The following SLC37A1 variants were observed in gnomAD, a reference collection of about 807,000 sequenced individuals.
SLC37A1 encodes the protein solute carrier family 37 member 1.
SLC37A1 carries 49 observed loss-of-function variants against 75.3 expected under a neutral mutation model. That is an observed-to-expected ratio of 0.65 (90% CI 0.52 to 0.83). SLC37A1 has a LOEUF of 0.83. SLC37A1 is among the 40% of genes least tolerant of loss of function. The pLI, the probability that SLC37A1 is intolerant of heterozygous loss-of-function variation, is 0.00. For synonymous variants in SLC37A1, 268 were observed against 292.1 expected, an observed-to-expected ratio of 0.92 and a Z score of 0.84; for missense variants, 566 against 695.0, an observed-to-expected ratio of 0.81 and a Z score of 2.09.
chr21:42,573,202 G>A (rs1018568923), intron 17 of SLC37A1, among the ~76,000 whole-genome samples: 3 of 152,312 alleles, frequency 2.0e-5, no homozygotes, highest in African/African-American at 7.2e-5. Flanking sequence ...TTATCAGTGA[G>A]GATGAGAAAA....
rs758065649 is a variant in SLC37A1, at chr21:42,539,548, C to G, written c.387C>G (p.Tyr129Ter). Reference protein sequence around the residue: ...IIGERLPIRYYLTFGMLASGA... With the variant: ...IIGERLPIRY ...GGGAGCGCCTGCCGATTAGGTATTA[C>G]CTAACTTTCGGGATGCTCGCCAGCG... Residue 129 changes from tyrosine to a stop codon, truncating the protein, a stop_gained, in exon 6 of 20, where the codon TAC becomes TAG. Coordinates refer to ENST00000352133, the MANE Select transcript of SLC37A1 (RefSeq NM_001320537.2). LOFTEE classifies it high-confidence loss of function. 1 of 1,613,790 alleles carries G rather than the reference C, an allele frequency of 6.2e-7. No individual in the cohort carries two copies. The highest frequency in any genetic ancestry group is 8.5e-7 in the Non-Finnish European group (1 of 1,179,956).
chr21:42,564,590 A>C, intron 13 of SLC37A1, 118 bp from the exon 14 acceptor site: 2 of 775,638 alleles, frequency 2.6e-6, no homozygotes, highest in South Asian at 1.5e-5. Flanking sequence ...CCCGTGATGC[A>C]TGGAGAGAGG....
At chr21:42,500,155 C>CA (rs2054328099) in intron 1 of SLC37A1, among the ~76,000 whole-genome samples, 1 of 152,122 alleles carries the variant, frequency 6.6e-6, no homozygotes. Context: ...GGACTTTCAA[C>CA]AAAATGAGTT....
At chr21:42,575,359 C>T (rs995714864) in intron 18 of SLC37A1, 51 of 985,356 alleles carry the variant, frequency 5.2e-5, no homozygotes, top group South Asian at 9.4e-5. Context: ...GTCCCTCCTG[C>T]AGCCATGCTG....
At chr21:42,568,250 C>G in intron 16 of SLC37A1, 110 bp from the exon 17 acceptor site, 2 of 829,762 alleles carry the variant, frequency 2.4e-6, no homozygotes, top group Non-Finnish European at 4.0e-6. Flanking sequence ...GGGAAACACC[C>G]TCACGATGAG....
At chr21:42,533,729 G>A (rs1304686693) in intron 3 of SLC37A1, among the ~76,000 whole-genome samples, 1 of 152,234 alleles carries the variant, frequency 6.6e-6, no homozygotes, top group Non-Finnish European at 1.5e-5. Context: ...AAAGCCTGGT[G>A]TTCAGCGTCA....
intron 3 of SLC37A1, among the ~76,000 whole-genome samples, chr21:42,528,698 A>G (rs2054863237): frequency 6.6e-6 from 1 of 152,154 alleles, no homozygotes; most frequent in Non-Finnish European, 1.5e-5. Context: ...GCATGGTGAC[A>G]GGCGCCTGTA....
intron 8 of SLC37A1, among the ~76,000 whole-genome samples, chr21:42,544,618 C>T (rs765822975): frequency 1.3e-5 from 2 of 152,206 alleles, no homozygotes; most frequent in Admixed American, 1.3e-4. Context: ...CCCCTTTCCC[C>T]GCTTCTGCAG....
intron 10 of SLC37A1, among the ~76,000 whole-genome samples, chr21:42,557,576 C>G (rs188088138): frequency 1.2e-4 from 18 of 152,374 alleles, no homozygotes; most frequent in Admixed American, 1.2e-3. Context: ...GAGACCCGCT[C>G]TCCATGCCAG....
intron 3 of SLC37A1, among the ~76,000 whole-genome samples, chr21:42,531,212 G>A (rs1312947088): frequency 2.0e-5 from 3 of 151,956 alleles, no homozygotes; most frequent in South Asian, 4.2e-4. Context: ...TGTGACTCCC[G>A]GCCCCGCCGC....
chr21:42,551,855 C>G (rs2055567168), intron 9 of SLC37A1, among the ~76,000 whole-genome samples: 1 of 151,010 alleles, frequency 6.6e-6, no homozygotes, highest in African/African-American at 2.5e-5. Flanking sequence ...TGGTGTTATT[C>G]TCCTTTGAAT....
chr21:42,558,614 G>A (rs537617792), intron 10 of SLC37A1, among the ~76,000 whole-genome samples: 9 of 152,220 alleles, frequency 5.9e-5, no homozygotes, highest in East Asian at 3.9e-4. Flanking sequence ...TTTTTTACAA[G>A]ATGTCATTCG....
At chr21:42,564,885 C>A in intron 14 of SLC37A1, 92 bp downstream of exon 14, 1 of 1,224,598 alleles carries the variant, frequency 8.2e-7, no homozygotes, top group Non-Finnish European at 1.2e-6. Context: ...CTGGCCCGTG[C>A]TCCACTTTCC....
At chr21:42,561,873 C>T (rs188121504) in intron 11 of SLC37A1, 12 of 525,438 alleles carry the variant, frequency 2.3e-5, no homozygotes, top group Non-Finnish European at 3.4e-5. Context: ...TGCCCCTGCT[C>T]GGGGTGAGCG....
At position 42,575,560 on chromosome 21, in the gene SLC37A1, G is replaced by A. The variant is rs1403091864; in HGVS notation, c.1521+645G>A. On this transcript the variant is annotated intron_variant, in intron 18 of 19. Coordinates refer to ENST00000352133, the MANE Select transcript of SLC37A1 (RefSeq NM_001320537.2). ...CCCCTGGGTAAGGAAGACCAGTGAT[G>A]ATGTCACAGTCACATAGATGTGCAG... The A allele has an allele frequency of 6.1e-6, 6 of 985,260 alleles. No individual in the cohort carries two copies. In the Admixed American group the frequency reaches 3.7e-4, roughly 61 times the overall value. The allele number at this position is 985,260 out of a possible 1,614,324, so 61.0% of individuals were successfully genotyped here. A position where few individuals can be genotyped will look rare whatever the true frequency, so the allele number is the denominator to read the frequency against.
At chr21:42,505,076 C>G (rs1210657557) in intron 2 of SLC37A1, among the ~76,000 whole-genome samples, 2 of 152,228 alleles carry the variant, frequency 1.3e-5, no homozygotes, top group East Asian at 3.8e-4. Flanking sequence ...GGTCTCCCTG[C>G]CCTTAGTCTC....
intron 3 of SLC37A1, among the ~76,000 whole-genome samples, chr21:42,532,006 C>T (rs753719750): frequency 3.3e-5 from 5 of 152,080 alleles, no homozygotes; most frequent in Non-Finnish European, 7.4e-5. Flanking sequence ...AGGCACACTC[C>T]GATTATGGTC....
intron 3 of SLC37A1, among the ~76,000 whole-genome samples, chr21:42,527,765 C>G (rs1170887129): frequency 6.6e-6 from 1 of 152,206 alleles, no homozygotes; most frequent in African/African-American, 2.4e-5. Flanking sequence ...TCAGAGCCTC[C>G]TAAACGCACA....
intron 3 of SLC37A1, among the ~76,000 whole-genome samples, chr21:42,531,953 A>C (rs1199145331): frequency 6.6e-6 from 1 of 152,062 alleles, no homozygotes; most frequent in Non-Finnish European, 1.5e-5. Context: ...CCGGACTCAC[A>C]GTGGCCCTTT....
Sources: gnomAD v4.1 joint callset for allele counts (sites outside exome capture counted in the v4.1 genomes callset) on GRCh38, gnomAD v4.1.1 for gene constraint, MANE v1.5 for transcripts, NCBI Gene and HGNC (gene_info 2026-07-23, HGNC 2026-07-21) for gene names.